Variants in E2F7 observed in about 807,000 individuals in gnomAD.
The protein encoded by E2F7 is transcription factor E2F7.
In E2F7, 35 loss-of-function variants were observed where a neutral mutation model predicts 81.1. The observed-to-expected ratio is 0.43, with a 90% CI of 0.33 to 0.57. The LOEUF is 0.57. Ranked by LOEUF, E2F7 falls within the 20% of genes least tolerant of loss-of-function variation. E2F7 has a pLI of 0.04. For missense variants in E2F7, 961 were observed against 1,093.7 expected (o/e 0.88, Z 1.71); for synonymous variants, 416 against 416.2 (o/e 1.00, Z 0.01).
intron 11 of E2F7, among the ~76,000 whole-genome samples, chr12:77,027,318 G>T (rs1954767860): frequency 1.3e-5 from 2 of 152,124 alleles, no homozygotes; most frequent in Non-Finnish European, 2.9e-5. Flanking sequence ...TAAGTGCCAG[G>T]TGCTATTATT....
At chr12:77,044,894 G>A in intron 5 of E2F7, 99 bp from the exon 6 acceptor site, 1 of 1,367,684 alleles carries the variant, frequency 7.3e-7, no homozygotes, top group Non-Finnish European at 9.9e-7. Flanking sequence ...ATCAGCAGAT[G>A]GAAAGATCAC....
chr12:77,056,174 G>C (rs200763483), intron 2 of E2F7, 44 bp from the exon 3 acceptor site: 51 of 1,531,162 alleles, frequency 3.3e-5, no homozygotes, highest in Middle Eastern at 4.6e-4. Flanking sequence ...GAAAGGGCAG[G>C]TATCAGCTAA....
Position 77,023,515 on chromosome 12 carries a change from T to C in E2F7, c.*500A>G, listed in dbSNP as rs1040156098. 2 of 152,870 alleles carry C rather than the reference T, an allele frequency of 1.3e-5. No homozygotes were observed. Among genetic ancestry groups the C allele is most frequent in the Admixed American group, 6.5e-5 (1 of 15,296 alleles). 9.5% of individuals were successfully genotyped at this position (152,870 alleles called of 1,614,324 possible). ...GTAGTTGTAAACTTTTTGCACTAAA[T>C]CCCATTTCAGGAACAAAATAAATAA... On this transcript the variant is annotated 3_prime_UTR_variant, in exon 13 of 13. Transcript: ENST00000322886.
chr12:77,043,901 C>G (rs189114579), intron 6 of E2F7, among the ~76,000 whole-genome samples: 1 of 152,264 alleles, frequency 6.6e-6, no homozygotes, highest in East Asian at 1.9e-4. Context: ...AATTGATTTA[C>G]AGGTAGGAAA....
chr12:77,058,112 T>C (rs61932805), intron 2 of E2F7, among the ~76,000 whole-genome samples: 8,920 of 152,272 alleles, frequency 0.059, 297 homozygotes, highest in Middle Eastern at 0.068. Context: ...TTTCTCATAC[T>C]ACAGTAAGTA....
intron 12 of E2F7, 152 bp downstream of exon 12, chr12:77,025,406 T>C (rs1471023288): frequency 5.1e-6 from 4 of 777,484 alleles, no homozygotes; most frequent in Non-Finnish European, 8.1e-6. Context: ...CAGTGCTTTA[T>C]AAAAGGAGCA....
intron 3 of E2F7, among the ~76,000 whole-genome samples, chr12:77,055,045 G>A (rs1955021024): frequency 6.6e-6 from 1 of 152,062 alleles, no homozygotes; most frequent in South Asian, 2.1e-4. Flanking sequence ...AAAAGGAATT[G>A]TGAAATTCCT....
intron 2 of E2F7, among the ~76,000 whole-genome samples, chr12:77,057,276 A>G (rs1955040991): frequency 6.6e-6 from 1 of 151,654 alleles, no homozygotes. Context: ...GGGTCTTGCC[A>G]TGTTGCCCAG....
At chr12:77,030,679 T>G (rs1954799228) in intron 9 of E2F7, among the ~76,000 whole-genome samples, 1 of 152,188 alleles carries the variant, frequency 6.6e-6, no homozygotes, top group African/African-American at 2.4e-5. Context: ...TTAGCATTAA[T>G]AGTATAACAA....
chr12:77,029,895 T>A lies in E2F7; in HGVS notation c.1820A>T (p.Glu607Val), dbSNP rs1367731920. 2.5e-6 allele frequency: 4 copies of A among 1,614,124 alleles called. No individual in the cohort carries two copies. The highest frequency in any genetic ancestry group is 1.3e-5 in the African/African-American group (1 of 74,944). Reference sequence around the variant, plus strand: ...CCTACTTTGCCTTTTAGTGGCTGGCTCATCCTCCTCCTGAGGTTTCCTCTC... The same window carrying A: ...CCTACTTTGCCTTTTAGTGGCTGGCACATCCTCCTCCTGAGGTTTCCTCTC... ...CEERKPQEEDEPATKRQSREY... is the reference protein window; with the variant it reads ...CEERKPQEEDVPATKRQSREY... The change falls in exon 10 of 13, where the codon GAG becomes GTG. Residue 607 changes from glutamate (E) to valine (V), a missense_variant. Physicochemically the swap from Glu to Val is moderately radical, Grantham distance 121. This residue lies in a region of E2F7 where 587 missense variants were observed against 620.3 expected (regional missense o/e 0.95). Coordinates refer to ENST00000322886, the MANE Select transcript of E2F7 (RefSeq NM_203394.3).
At chr12:77,044,291 G>A (rs1954920333) in intron 6 of E2F7, 1 of 466,036 alleles carries the variant, frequency 2.1e-6, no homozygotes, top group Non-Finnish European at 4.3e-6. Flanking sequence ...TATGCAGGGG[G>A]TGGGGAAAAA....
intron 10 of E2F7, 35 bp downstream of exon 10, chr12:77,029,796 G>GA: frequency 6.2e-7 from 1 of 1,608,864 alleles, no homozygotes; most frequent in South Asian, 1.1e-5. Flanking sequence ...GGGCTAACAG[G>GA]ATGTCACCAG....
chr12:77,051,292 T>A (rs1954986176), intron 3 of E2F7, among the ~76,000 whole-genome samples: 1 of 152,160 alleles, frequency 6.6e-6, no homozygotes, highest in African/African-American at 2.4e-5. Flanking sequence ...TAGCATCCTG[T>A]CTCCTCAACC....
intron 3 of E2F7, among the ~76,000 whole-genome samples, chr12:77,052,503 G>A (rs1954998395): frequency 6.6e-6 from 1 of 152,110 alleles, no homozygotes; most frequent in Non-Finnish European, 1.5e-5. Flanking sequence ...GATATGTATA[G>A]AAAAGCAAAG....
chr12:77,047,597 G>A (rs1954953743), intron 4 of E2F7, among the ~76,000 whole-genome samples: 1 of 152,122 alleles, frequency 6.6e-6, no homozygotes, highest in African/African-American at 2.4e-5. Context: ...ATATAATCAG[G>A]GCAGACTCTG....
intron 11 of E2F7, 114 bp downstream of exon 11, chr12:77,027,769 G>A: frequency 7.1e-7 from 1 of 1,402,366 alleles, no homozygotes; most frequent in Non-Finnish European, 9.6e-7. Context: ...AGAGTAAAAT[G>A]ACTCAGGCAC....
At chr12:77,064,311 T>A (rs754538359) in intron 2 of E2F7, among the ~76,000 whole-genome samples, 1 of 152,252 alleles carries the variant, frequency 6.6e-6, no homozygotes. Flanking sequence ...TTATATAAAT[T>A]GGTTACAACA....
chr12:77,050,751 A>AG lies in E2F7; in HGVS notation c.370-8dup. 1 of 1,610,794 alleles carries AG rather than the reference A, an allele frequency of 6.2e-7. No individual in the cohort carries two copies. The highest frequency in any genetic ancestry group is 8.5e-7 in the Non-Finnish European group (1 of 1,177,914). ...TGTCCCCAACAACATCAAGCTACAGAGGGCAGATAGAAGGGAGGGGGAAGA... is the reference window on the plus strand; with the variant it reads ...TGTCCCCAACAACATCAAGCTACAGAGGGGCAGATAGAAGGGAGGGGGAAGA... On this transcript the variant is annotated splice_region_variant and splice_polypyrimidine_tract_variant and intron_variant, in intron 3 of 12. Transcript: ENST00000322886.
Position 77,064,568 on chromosome 12 carries a change from A to G in E2F7, c.68T>C (p.Val23Ala), listed in dbSNP as rs758936103. The G allele has an allele frequency of 4.3e-6, 7 of 1,614,164 alleles. No homozygotes were observed. Among genetic ancestry groups the G allele is most frequent in the South Asian group, 1.1e-5 (1 of 91,072 alleles). ...CTTTTGTGCATTTTCCCCATCTTCA[A>G]CTGCAAAATCTAGTCTGGGCTGCCT... ...SPRQPRLDFA[V>A]EDGENAQKEN... The change falls in exon 2 of 13, where the codon GTT becomes GCT. Residue 23 changes from valine (V) to alanine (A), a missense_variant. Transcript: ENST00000322886.
Sources: gnomAD v4.1 joint callset for allele counts (sites outside exome capture counted in the v4.1 genomes callset) on GRCh38, gnomAD v4.1.1 for gene constraint, gnomAD v4.1.1 regional missense constraint, MANE v1.5 for transcripts, NCBI Gene and HGNC (gene_info 2026-07-23, HGNC 2026-07-21) for gene names.